The following STK31 variants were observed in gnomAD, a reference collection of about 807,000 sequenced individuals.
The protein encoded by STK31 is serine/threonine-protein kinase 31.
Under a neutral mutation model 129.7 loss-of-function variants are expected in STK31, and 89 were observed. The ratio of observed to expected loss-of-function variants is 0.69; its 90% CI spans 0.58 to 0.82. STK31 has a LOEUF of 0.82. STK31 is among the 40% of genes least tolerant of loss of function. The probability of loss-of-function intolerance (pLI) is 0.00; values close to 1 mark genes in which losing one functional copy is unlikely to be tolerated. For missense variants in STK31, 1,187 were observed against 1,176.4 expected (o/e 1.01, Z -0.13); for synonymous variants, 448 against 395.3 (o/e 1.13, Z -1.58).
At chr7:23,804,126 C>A (rs540341127) in intron 22 of STK31, among the ~76,000 whole-genome samples, 1 of 152,106 alleles carries the variant, frequency 6.6e-6, no homozygotes, top group Non-Finnish European at 1.5e-5. Flanking sequence ...CTATATTGCT[C>A]AGGCTGGTCT....
intron 15 of STK31, among the ~76,000 whole-genome samples, chr7:23,773,993 C>T (rs1790371122): frequency 6.6e-6 from 1 of 151,788 alleles, no homozygotes; most frequent in Admixed American, 6.6e-5. Flanking sequence ...CAAGTGTTCC[C>T]ATTGTTCAGT....
chr7:23,752,331 T>C (rs983996697), intron 8 of STK31, among the ~76,000 whole-genome samples: 1 of 149,898 alleles, frequency 6.7e-6, no homozygotes, highest in Admixed American at 6.8e-5. Context: ...GATTCTATTA[T>C]ATTTTATTCA....
chr7:23,773,932 A>T (rs7800132), intron 15 of STK31, among the ~76,000 whole-genome samples: 15 of 150,758 alleles, frequency 9.9e-5, no homozygotes, highest in Admixed American at 9.9e-4. Flanking sequence ...TCTCCCTGCC[A>T]CCCCCCACCC....
At chr7:23,826,523 G>A (rs931156287) in intron 23 of STK31, among the ~76,000 whole-genome samples, 18 of 152,164 alleles carry the variant, frequency 1.2e-4, no homozygotes, top group African/African-American at 4.3e-4. Context: ...CCTGAATACA[G>A]CACACTGATG....
chr7:23,823,740 G>C (rs551848476), intron 23 of STK31, among the ~76,000 whole-genome samples: 2 of 151,816 alleles, frequency 1.3e-5, no homozygotes, highest in Admixed American at 1.3e-4. Flanking sequence ...GGTCTAACAT[G>C]TAAGTCTTTA....
intron 8 of STK31, among the ~76,000 whole-genome samples, chr7:23,738,934 CAT>C (rs1244928032): frequency 6.6e-6 from 1 of 152,208 alleles, no homozygotes; most frequent in Admixed American, 6.5e-5. Context: ...CTGCAATAAA[CAT>C]ATGTGTGCAT....
intron 22 of STK31, among the ~76,000 whole-genome samples, chr7:23,800,190 C>G (rs1353971363): frequency 6.6e-6 from 1 of 152,136 alleles, no homozygotes. Flanking sequence ...CCTCAGGCAT[C>G]TAGAACCAGA....
intron 23 of STK31, among the ~76,000 whole-genome samples, chr7:23,824,553 A>G (rs906171058): frequency 9.9e-5 from 15 of 152,128 alleles, no homozygotes; most frequent in African/African-American, 3.6e-4. Flanking sequence ...AACAGGGACA[A>G]TTGGACTTCC....
chr7:23,798,641 A>G (rs1792160451), intron 22 of STK31, among the ~76,000 whole-genome samples: 1 of 152,224 alleles, frequency 6.6e-6, no homozygotes, highest in Admixed American at 6.5e-5. Flanking sequence ...CACAGCTAAT[A>G]TCTTACTGAA....
At chr7:23,718,844 TC>T (rs1184404440) in intron 4 of STK31, among the ~76,000 whole-genome samples, 1 of 152,098 alleles carries the variant, frequency 6.6e-6, no homozygotes, top group Non-Finnish European at 1.5e-5. Flanking sequence ...TTGACTCATT[TC>T]TTTTGCACAT....
intron 11 of STK31, among the ~76,000 whole-genome samples, chr7:23,763,375 A>G (rs912203347): frequency 1.3e-5 from 2 of 152,196 alleles, no homozygotes; most frequent in Non-Finnish European, 2.9e-5. Flanking sequence ...GCTATATGAT[A>G]TGGTGGAATC....
intron 17 of STK31, among the ~76,000 whole-genome samples, chr7:23,784,673 T>C (rs1309571275): frequency 4.6e-5 from 7 of 152,056 alleles, no homozygotes. Flanking sequence ...TACTTAAATG[T>C]ACCGACAAGA....
intron 10 of STK31, among the ~76,000 whole-genome samples, chr7:23,761,099 A>G (rs1417645432): frequency 2.6e-5 from 4 of 152,216 alleles, no homozygotes; most frequent in Admixed American, 6.5e-5. Context: ...GAAAAGATGT[A>G]AAAAAACCTG....
chr7:23,721,887 T>C (rs1450459009), intron 4 of STK31: 3 of 435,172 alleles, frequency 6.9e-6, no homozygotes, highest in South Asian at 2.1e-5. Flanking sequence ...AGCTTGTGCA[T>C]GCGTCACGTA....
Position 23,737,001 on chromosome 7 carries a change from A to G in STK31, c.940A>G (p.Lys314Glu), listed in dbSNP as rs771469620. The change falls in exon 8 of 24, where the codon AAA (lysine) becomes GAA (glutamate). Residue 314 changes from lysine (K) to glutamate (E), a missense_variant. By Grantham distance (56) the Lys-to-Glu change is moderately conservative. Transcript: ENST00000355870. ...ACTGATTGAAGAAAATGAAAAACTT[A>G]AAACAGAGAAGGACGCTCTTCTTGA... ...QKLIEENEKL[K>E]TEKDALLESY... is the part of the protein sequence containing the mutation. 2 of 1,613,654 alleles carry G rather than the reference A, an allele frequency of 1.2e-6. No homozygotes were observed. The highest frequency in any genetic ancestry group is 8.5e-7 in the Non-Finnish European group (1 of 1,179,888).
At chr7:23,726,420 T>C (rs1319073355) in intron 4 of STK31, 9 of 111,994 alleles carry the variant, frequency 8.0e-5, no homozygotes, top group Admixed American at 3.4e-4. Flanking sequence ...TGGTGAGACC[T>C]TGCCTCTACA....
chr7:23,810,999 A>G (rs1377062074), intron 22 of STK31: 1 of 153,558 alleles, frequency 6.5e-6, no homozygotes, highest in Non-Finnish European at 1.4e-5. Context: ...CAACACCTGT[A>G]CTCCAGATAA....
chr7:23,749,293 G>A (rs1408726826), intron 8 of STK31, among the ~76,000 whole-genome samples: 1 of 149,204 alleles, frequency 6.7e-6, no homozygotes, highest in Non-Finnish European at 1.5e-5. Context: ...TCAAACTGTA[G>A]TTTTTGCCCT....
rs951453775 is a variant in STK31 at position 23,750,075 on chromosome 7, C to T, written c.1018-2642C>T. 7.2e-4 allele frequency among the ~76,000 whole-genome samples: 91 copies of T among 125,572 alleles called. 5 individuals carry two copies. Among genetic ancestry groups the T allele is most frequent in the African/African-American group, 2.5e-3 (88 of 35,322 alleles). The allele number at this position is 125,572 out of a possible 152,430, so 82.4% of individuals were successfully genotyped here. On this transcript the variant is annotated intron_variant, in intron 8 of 23. Transcript: ENST00000355870. ...TTTCAGAATGGTTTGTTTCCCCCCC[C>T]GCCACTGCTGGAAACATGAGGGGAT...
Sources: gnomAD v4.1 joint callset for allele counts (sites outside exome capture counted in the v4.1 genomes callset) on GRCh38, gnomAD v4.1.1 for gene constraint, MANE v1.5 for transcripts, NCBI Gene and HGNC (gene_info 2026-07-23, HGNC 2026-07-21) for gene names.